The following ZMAT4 variants were observed in gnomAD, a reference collection of about 807,000 sequenced individuals.
ZMAT4 encodes zinc finger matrin-type 4, also known as zinc finger matrin-type protein 4.
In ZMAT4, 17 loss-of-function variants were observed where a neutral mutation model predicts 28.7. The observed-to-expected ratio is 0.59, with a 90% CI of 0.41 to 0.89. ZMAT4 has a LOEUF of 0.89. Among genes scored for constraint, ZMAT4 ranks in the 40% least tolerant of loss-of-function variants. The pLI is 0.00. For missense variants in ZMAT4, 240 were observed against 283.8 expected, an observed-to-expected ratio of 0.85 and a Z score of 1.11; for synonymous variants, 117 against 109.2, an observed-to-expected ratio of 1.07 and a Z score of -0.44.
chr8:40,801,371 T>TATATATATATATATATATATATAC (rs1199428052), intron 2 of ZMAT4, among the ~76,000 whole-genome samples: 5 of 144,856 alleles, frequency 3.5e-5, no homozygotes, highest in African/African-American at 1.3e-4. Flanking sequence ...TATATATATA[T>TATATATATATATATATATATATAC]ACATATATAT....
At chr8:40,592,754 G>A (rs1437096545) in intron 5 of ZMAT4, among the ~76,000 whole-genome samples, 2 of 152,178 alleles carry the variant, frequency 1.3e-5, no homozygotes, top group Non-Finnish European at 2.9e-5. Context: ...TATTTAAAGA[G>A]CTTGTTTATT....
chr8:40,877,916 C>A (rs374706216), intron 1 of ZMAT4, among the ~76,000 whole-genome samples: 1 of 152,126 alleles, frequency 6.6e-6, no homozygotes, highest in Admixed American at 6.5e-5. Flanking sequence ...GGAGAGGGAA[C>A]CCAAGTCCCG....
At chr8:40,672,049 GC>G (rs945724863) in intron 5 of ZMAT4, among the ~76,000 whole-genome samples, 1 of 152,114 alleles carries the variant, frequency 6.6e-6, no homozygotes, top group Non-Finnish European at 1.5e-5. Flanking sequence ...ATAAATGCCT[GC>G]TTTTAAGATG....
In ZMAT4 at chr8:40,647,367, C is replaced by A. The variant is rs113816136; in HGVS notation, c.577+27337G>T. 2.6e-5 allele frequency among the ~76,000 whole-genome samples: 4 copies of A among 152,212 alleles called. No individual in the cohort carries two copies. In the East Asian group the frequency reaches 7.7e-4, roughly 29 times the overall value. Reference sequence around the variant, plus strand: ...CCACCCGAATACTGCGCTTTTCTGACGGGCTTAAAACACGGCGCACCACAA... The same window carrying A: ...CCACCCGAATACTGCGCTTTTCTGAAGGGCTTAAAACACGGCGCACCACAA... On this transcript the variant is annotated intron_variant, in intron 5 of 6. Transcript: ENST00000297737.
intron 2 of ZMAT4, among the ~76,000 whole-genome samples, chr8:40,800,287 T>C (rs991717784): frequency 6.6e-6 from 1 of 152,184 alleles, no homozygotes; most frequent in Admixed American, 6.5e-5. Context: ...ACGAAGCTCT[T>C]ACTATGCTTG....
At chr8:40,731,181 G>C (rs761446775) in intron 3 of ZMAT4, among the ~76,000 whole-genome samples, 1 of 146,676 alleles carries the variant, frequency 6.8e-6, no homozygotes, top group Non-Finnish European at 1.5e-5. Flanking sequence ...CCTGGTTGGA[G>C]GGCGTTCCAG....
At chr8:40,844,456 C>A (rs1227170708) in intron 1 of ZMAT4, among the ~76,000 whole-genome samples, 1 of 152,132 alleles carries the variant, frequency 6.6e-6, no homozygotes, top group South Asian at 2.1e-4. Context: ...GATATGGGTG[C>A]TCCAGATTGT....
At chr8:40,767,811 GC>G in intron 2 of ZMAT4, 81 bp from the exon 3 acceptor site, 2 of 1,131,822 alleles carry the variant, frequency 1.8e-6, no homozygotes, top group Non-Finnish European at 1.2e-6. Context: ...GCCCGCAAAT[GC>G]AAAAAGAAAT....
At chr8:40,686,400 A>C (rs1370648129) in intron 4 of ZMAT4, among the ~76,000 whole-genome samples, 19 of 152,050 alleles carry the variant, frequency 1.2e-4, no homozygotes, top group Admixed American at 6.5e-5. Flanking sequence ...AGGAATTCAA[A>C]GCTTGAGTAA....
chr8:40,748,921 G>A (rs1231739457), intron 3 of ZMAT4, among the ~76,000 whole-genome samples: 1 of 152,028 alleles, frequency 6.6e-6, no homozygotes, highest in Non-Finnish European at 1.5e-5. Flanking sequence ...ATGCATTGTG[G>A]GAGGGACCCA....
chr8:40,767,133 TC>T (rs1325815520), intron 3 of ZMAT4, among the ~76,000 whole-genome samples: 1 of 152,218 alleles, frequency 6.6e-6, no homozygotes, highest in African/African-American at 2.4e-5. Context: ...TTGTCACTTG[TC>T]TTCCCAAGCA....
At chr8:40,607,709 G>T (rs1805646542) in intron 5 of ZMAT4, among the ~76,000 whole-genome samples, 1 of 152,082 alleles carries the variant, frequency 6.6e-6, no homozygotes, top group South Asian at 2.1e-4. Flanking sequence ...GATTCCTTTT[G>T]CCCACAGAGT....
At chr8:40,648,871 T>C (rs1248114679) in intron 5 of ZMAT4, among the ~76,000 whole-genome samples, 1 of 139,792 alleles carries the variant, frequency 7.2e-6, no homozygotes, top group East Asian at 2.1e-4. Context: ...GACAAGCAAA[T>C]GCTGAGAGAT....
chr8:40,636,557 C>T (rs1041725904), intron 5 of ZMAT4, among the ~76,000 whole-genome samples: 5 of 152,160 alleles, frequency 3.3e-5, no homozygotes, highest in African/African-American at 1.2e-4. Context: ...CAAATAACAA[C>T]TTAGAAAAGG....
At chr8:40,688,317 G>T (rs1033395484) in intron 4 of ZMAT4, among the ~76,000 whole-genome samples, 3 of 152,038 alleles carry the variant, frequency 2.0e-5, no homozygotes, top group African/African-American at 7.2e-5. Flanking sequence ...TTAGCTGAGT[G>T]TATTGGCATG....
At chr8:40,540,969 T>C (rs1803010778) in intron 6 of ZMAT4, among the ~76,000 whole-genome samples, 2 of 152,132 alleles carry the variant, frequency 1.3e-5, no homozygotes, top group Non-Finnish European at 1.5e-5. Context: ...AGGTTTACTA[T>C]CAAATGCCCA....
chr8:40,672,507 T>C (rs768713868), intron 5 of ZMAT4, among the ~76,000 whole-genome samples: 41 of 152,190 alleles, frequency 2.7e-4, no homozygotes, highest in Non-Finnish European at 2.6e-4. Context: ...CACAGTCACA[T>C]TGAGTTATCG....
intron 1 of ZMAT4, among the ~76,000 whole-genome samples, chr8:40,847,417 T>C (rs1052923238): frequency 6.6e-6 from 1 of 152,216 alleles, no homozygotes; most frequent in African/African-American, 2.4e-5. Flanking sequence ...GTTGCTGGCA[T>C]TGTTCTTGCC....
intron 1 of ZMAT4, among the ~76,000 whole-genome samples, chr8:40,855,992 C>T (rs986913600): frequency 3.3e-5 from 5 of 151,988 alleles, no homozygotes; most frequent in Non-Finnish European, 7.4e-5. Context: ...CACCCAGCCA[C>T]CACCACAACT....
Sources: gnomAD v4.1 joint callset for allele counts (sites outside exome capture counted in the v4.1 genomes callset) on GRCh38, gnomAD v4.1.1 for gene constraint, MANE v1.5 for transcripts, NCBI Gene and HGNC (gene_info 2026-07-23, HGNC 2026-07-21) for gene names.